CELSR1: variants seen among roughly 807,000 people sequenced by gnomAD.
CELSR1 encodes adhesion G protein-coupled receptor C1.
A neutral mutation model predicts 249.1 loss-of-function variants in CELSR1; 110 were observed. The ratio of observed to expected loss-of-function variants is 0.44; its 90% CI spans 0.38 to 0.52. The LOEUF is 0.52. CELSR1 is among the 20% of genes least tolerant of loss of function. The pLI is 0.00. For synonymous variants in CELSR1, 2,113 were observed against 1,900.0 expected (o/e 1.11, Z -2.92); for missense variants, 4,109 against 4,296.4 (o/e 0.96, Z 1.22).
intron 1 of CELSR1, among the ~76,000 whole-genome samples, chr22:46,519,981 C>T (rs2147790009): frequency 6.6e-6 from 1 of 152,042 alleles, no homozygotes. Flanking sequence ...AAGTGATTCT[C>T]CTGCCTTACC....
In CELSR1 at chr22:46,396,983, G is replaced by A. The variant is rs2079154914; in HGVS notation, c.5702-237C>T. On this transcript the variant is annotated intron_variant, in intron 12 of 34. Transcript: ENST00000674500. The surrounding 1 kb of genome is among the most constrained non-coding windows in gnomAD (Gnocchi z 6.4). Reference sequence around the variant, plus strand: ...AGGAGGGTGAGAGCCTTGGAACACGGGGCCCAGGCTGCCCCAGGACACATG... The same window carrying A: ...AGGAGGGTGAGAGCCTTGGAACACGAGGCCCAGGCTGCCCCAGGACACATG... 1.3e-5 allele frequency among the ~76,000 whole-genome samples: 2 copies of A among 152,016 alleles called. No individual in the cohort carries two copies. Among genetic ancestry groups the A allele is most frequent in the Middle Eastern group, 3.4e-3 (1 of 294 alleles).
intron 1 of CELSR1, among the ~76,000 whole-genome samples, chr22:46,524,370 T>C (rs2080716346): frequency 6.6e-6 from 1 of 152,180 alleles, no homozygotes; most frequent in African/African-American, 2.4e-5. Context: ...CCCCTGTGCT[T>C]GGGACACGCG....
rs1168800110 is a variant in CELSR1, at chr22:46,473,568, C to T, written c.3545-9223G>A. Among the ~76,000 whole-genome samples the T allele has an allele frequency of 3.9e-5, 6 of 152,182 alleles. No homozygotes were observed. Among genetic ancestry groups the T allele is most frequent in the Non-Finnish European group, 5.9e-5 (4 of 68,016 alleles). Reference sequence around the variant, plus strand: ...GGCTCCTCCACTCTCCCGTCACCAACGCCCCTCGAGGCCTGGTTAGGGCAG... The same window carrying T: ...GGCTCCTCCACTCTCCCGTCACCAATGCCCCTCGAGGCCTGGTTAGGGCAG... On this transcript the variant is annotated intron_variant, in intron 1 of 34. Coordinates refer to ENST00000674500, the MANE Select transcript of CELSR1 (RefSeq NM_001378328.1). The surrounding 1 kb of genome is among the most constrained non-coding windows in gnomAD (Gnocchi z 6.6).
intron 1 of CELSR1, among the ~76,000 whole-genome samples, chr22:46,477,869 C>T (rs368309813): frequency 2.1e-4 from 32 of 152,226 alleles, no homozygotes; most frequent in African/African-American, 7.7e-4. Flanking sequence ...AGGACAGGTA[C>T]CCCATGGCAG....
Position 46,374,072 on chromosome 22 carries a change from A to T in CELSR1, c.7585-1015T>A, listed in dbSNP as rs1346962957. 6.6e-6 allele frequency among the ~76,000 whole-genome samples: 1 copy of T among 152,212 alleles called. No homozygotes were observed. Among genetic ancestry groups the T allele is most frequent in the Admixed American group, 6.5e-5 (1 of 15,288 alleles). On this transcript the variant is annotated intron_variant, in intron 24 of 34. Coordinates refer to ENST00000674500, the MANE Select transcript of CELSR1 (RefSeq NM_001378328.1). The surrounding 1 kb of genome is among the most constrained non-coding windows in gnomAD (Gnocchi z 4.3). ...ATCGCATCTGTCAGATACGGAACAG[A>T]GCAGGAACCGAAGCAGGGAACGCAG...
intron 1 of CELSR1, among the ~76,000 whole-genome samples, chr22:46,485,260 A>G (rs1383435619): frequency 6.6e-6 from 1 of 152,058 alleles, no homozygotes; most frequent in Admixed American, 6.6e-5. Flanking sequence ...CGTTTCCAGT[A>G]TTCAAAGACT....
chr22:46,372,382 ACCC>A (rs2078863435), intron 25 of CELSR1, among the ~76,000 whole-genome samples: 1 of 35,582 alleles, frequency 2.8e-5, no homozygotes, highest in Admixed American at 3.3e-4. Context: ...CCACTCACTC[ACCC>A]CATCTACCCA....
chr22:46,398,129 C>A lies in CELSR1; in HGVS notation c.5527-281G>T, dbSNP rs1436574273. ...ATGTCCCTGCCGAGGGGGCTGAGAG[C>A]TGAACGACTCAGAGCAGCTCCCTCG... is the stretch of plus-strand genomic sequence containing the variant. On this transcript the variant is annotated intron_variant, in intron 11 of 34. Transcript: ENST00000674500. This position sits in a 1 kb window ranked among gnomAD's most constrained non-coding sequence, Gnocchi z 7.2. 6.6e-6 allele frequency among the ~76,000 whole-genome samples: 1 copy of A among 152,050 alleles called. No individual in the cohort carries two copies. Among genetic ancestry groups the A allele is most frequent in the Non-Finnish European group, 1.5e-5 (1 of 67,998 alleles).
chr22:46,390,500 G>A lies in CELSR1; in HGVS notation c.6251-14C>T, dbSNP rs1055550436. 2 of 1,605,692 alleles carry A rather than the reference G, an allele frequency of 1.2e-6. No individual in the cohort carries two copies. The highest frequency in any genetic ancestry group is 1.7e-6 in the Non-Finnish European group (2 of 1,173,500). ...GGACCGCATTTCCTGGGGAAGGAGA[G>A]CAGGTGTGCAAAGCCTGAAACTCAA... On this transcript the variant is annotated splice_polypyrimidine_tract_variant and intron_variant, in intron 16 of 34. Coordinates refer to ENST00000674500, the MANE Select transcript of CELSR1 (RefSeq NM_001378328.1). The surrounding 1 kb of genome is among the most constrained non-coding windows in gnomAD (Gnocchi z 6.3).
At position 46,468,257 on chromosome 22, in the gene CELSR1, A is replaced by C. The variant is rs1173064966; in HGVS notation, c.3545-3912T>G. Among the ~76,000 whole-genome samples, 5 of 151,816 alleles carry C rather than the reference A, an allele frequency of 3.3e-5. No individual in the cohort carries two copies. Among genetic ancestry groups the C allele is most frequent in the Non-Finnish European group, 7.4e-5 (5 of 67,968 alleles). ...AAAAATTAGCTGGGCGTGGTGGTGC[A>C]TGCCTGTAATCTTAGCTACTCGGGA... On this transcript the variant is annotated intron_variant, in intron 1 of 34. Coordinates refer to ENST00000674500, the MANE Select transcript of CELSR1 (RefSeq NM_001378328.1). This position sits in a 1 kb window ranked among gnomAD's most constrained non-coding sequence, Gnocchi z 4.5.
Position 46,365,301 on chromosome 22 carries a change from G to A in CELSR1, c.8484C>T (p.Ser2828=), listed in dbSNP as rs201897962. The change falls in exon 32 of 35, where the codon AGC becomes AGT. Residue 2828 remains serine (S), a synonymous_variant. Coordinates refer to ENST00000674500, the MANE Select transcript of CELSR1 (RefSeq NM_001378328.1). ...CCTCAGCTCCCACCCCATCGTCCTC[G>A]CTGTCTGACGAGTGTGAGGAGGCGT... ...SSYASSHSSD[S]EDDGVGAEEK... The A allele has an allele frequency of 1.3e-4, 216 of 1,612,932 alleles. 1 individual carries two copies. Among genetic ancestry groups the A allele is most frequent in the Middle Eastern group, 1.3e-3 (8 of 6,060 alleles).
Position 46,390,010 on chromosome 22 carries a change from T to G in CELSR1, c.6345+382A>C, listed in dbSNP as rs551660000. Among the ~76,000 whole-genome samples the G allele has an allele frequency of 1.4e-4, 22 of 151,810 alleles. No homozygotes were observed. The highest frequency in any genetic ancestry group is 2.8e-4 in the Non-Finnish European group (19 of 67,946). On this transcript the variant is annotated intron_variant, in intron 17 of 34. Coordinates refer to ENST00000674500, the MANE Select transcript of CELSR1 (RefSeq NM_001378328.1). The surrounding 1 kb of genome is among the most constrained non-coding windows in gnomAD (Gnocchi z 6.3). ...ATGAGCACTGCTGACAGCTAGACCA[T>G]GGAAACGAGGGTCTGGTGGGCCAAA... is the stretch of plus-strand genomic sequence containing the variant.
chr22:46,438,187 C>T (rs2079688475), intron 3 of CELSR1, among the ~76,000 whole-genome samples: 1 of 152,148 alleles, frequency 6.6e-6, no homozygotes, highest in African/African-American at 2.4e-5. Context: ...AACCAAGGCC[C>T]AGAGAAGGGG....
chr22:46,498,566 T>C (rs2080437454), intron 1 of CELSR1, among the ~76,000 whole-genome samples: 1 of 150,774 alleles, frequency 6.6e-6, no homozygotes, highest in African/African-American at 2.4e-5. Flanking sequence ...TGAGCTGAGA[T>C]TGTCCCACTC....
At chr22:46,443,559 C>T (rs2079780388) in intron 2 of CELSR1, among the ~76,000 whole-genome samples, 1 of 152,254 alleles carries the variant, frequency 6.6e-6, no homozygotes, top group African/African-American at 2.4e-5. Flanking sequence ...GGGCCATGTG[C>T]ACACACACAC....
rs990020922 is a variant in CELSR1 at position 46,454,376 on chromosome 22, CCTG to C, written c.4183+9328_4183+9330del. On this transcript the variant is annotated intron_variant, in intron 2 of 34. Coordinates refer to ENST00000674500, the MANE Select transcript of CELSR1 (RefSeq NM_001378328.1). The surrounding 1 kb of genome is among the most constrained non-coding windows in gnomAD (Gnocchi z 5.1). ...GCAGGGGTGAGCGAGCGTGCCCAGC[CCTG>C]CTGTCACGGAGCCCACACTCTCTCT... Among the ~76,000 whole-genome samples, 4 of 152,198 alleles carry C rather than the reference CCTG, an allele frequency of 2.6e-5. No homozygotes were observed. The highest frequency in any genetic ancestry group is 9.6e-5 in the African/African-American group (4 of 41,462).
intron 1 of CELSR1, among the ~76,000 whole-genome samples, chr22:46,514,014 C>T (rs897385628): frequency 2.0e-5 from 3 of 152,014 alleles, no homozygotes; most frequent in African/African-American, 4.8e-5. Context: ...AGGATGGTCT[C>T]GATCTCCTGA....
Position 46,502,993 on chromosome 22 carries a change from C to T in CELSR1, c.3544+30634G>A, listed in dbSNP as rs117198444. Among the ~76,000 whole-genome samples the T allele has an allele frequency of 6.4e-3, 979 of 152,272 alleles. 2 individuals are homozygous for T. Among genetic ancestry groups the T allele is most frequent in the Non-Finnish European group, 9.3e-3 (630 of 68,020 alleles). The stretch of plus-strand genomic sequence containing the variant: ...GCACTCGGAGAGAAGATCAAAGGCT[C>T]GAGTTGGAAGTGCCCACTCCATGGG... On this transcript the variant is annotated intron_variant, in intron 1 of 34. Coordinates refer to ENST00000674500, the MANE Select transcript of CELSR1 (RefSeq NM_001378328.1).
At chr22:46,453,590 G>A (rs576134539) in intron 2 of CELSR1, among the ~76,000 whole-genome samples, 7 of 152,206 alleles carry the variant, frequency 4.6e-5, no homozygotes, top group Admixed American at 4.6e-4. Flanking sequence ...TGGCCCCCAG[G>A]AGCAGGACAG....
Sources: gnomAD v4.1 joint callset for allele counts (sites outside exome capture counted in the v4.1 genomes callset) on GRCh38, gnomAD v4.1.1 for gene constraint, Gnocchi (gnomAD v3.1) non-coding constraint, MANE v1.5 for transcripts, NCBI Gene and HGNC (gene_info 2026-07-23, HGNC 2026-07-21) for gene names.